Variants in DLG4 observed in about 807,000 individuals in gnomAD.
The protein encoded by DLG4 is discs large MAGUK scaffold protein 4.
DLG4 carries 7 observed loss-of-function variants against 93.8 expected under a neutral mutation model. That is an observed-to-expected ratio of 0.07 (90% confidence interval 0.04 to 0.14). The LOEUF (loss-of-function observed/expected upper bound fraction) is 0.14. DLG4 is among the 10% of genes least tolerant of loss of function. The pLI is 1.00. For synonymous variants in DLG4, 341 were observed against 387.6 expected (o/e 0.88, Z 1.41); for missense variants, 545 against 992.9 (o/e 0.55, Z 6.06).
At chr17:7,211,416 C>T (rs1159733975) in intron 1 of DLG4, among the ~76,000 whole-genome samples, 1 of 151,816 alleles carries the variant, frequency 6.6e-6, no homozygotes, top group Non-Finnish European at 1.5e-5. Context: ...TTGGCCCCCT[C>T]CTCACCAGAG....
intron 8 of DLG4, among the ~76,000 whole-genome samples, chr17:7,197,840 C>T (rs1249142575): frequency 6.6e-6 from 1 of 152,158 alleles, no homozygotes; most frequent in Non-Finnish European, 1.5e-5. Flanking sequence ...GTTTGTTTAG[C>T]CTATGCCTCT....
At chr17:7,219,910 G>T, upstream of DLG4, 2 of 752,278 alleles carry the variant, frequency 2.7e-6, no homozygotes, top group South Asian at 4.1e-5. Context: ...AGGGTTAGGG[G>T]CGCCAGGACG....
chr17:7,219,684 C>T, upstream of DLG4: 3 of 1,351,810 alleles, frequency 2.2e-6, no homozygotes, highest in South Asian at 1.5e-5. Context: ...GTGACTTAAG[C>T]CCCTTCCTCT....
At position 7,208,405 on chromosome 17, in the gene DLG4, C is replaced by A. The variant is rs993343873; in HGVS notation, c.31-166G>T. On this transcript the variant is annotated intron_variant, in intron 1 of 19. Transcript: ENST00000399506. The surrounding 1 kb of genome is among the most constrained non-coding windows in gnomAD (Gnocchi z 5.4). ...CTCTAGCCCATTGGCTCCCCTCTCT[C>A]CACTCTCCCAACAGCCCCCTCTCCC... 6.6e-6 allele frequency among the ~76,000 whole-genome samples: 1 copy of A among 151,906 alleles called. No homozygotes were observed. The highest frequency in any genetic ancestry group is 2.4e-5 in the African/African-American group (1 of 41,336).
Position 7,194,185 on chromosome 17 carries a change from AC to A in DLG4, c.1478+133del. 7.4e-7 allele frequency: 1 copy of A among 1,343,048 alleles called. No homozygotes were observed. Among genetic ancestry groups the A allele is most frequent in the Non-Finnish European group, 1.0e-6 (1 of 991,954 alleles). The allele number at this position is 1,343,048 out of a possible 1,614,324, so 83.2% of individuals were successfully genotyped here. On this transcript the variant is annotated intron_variant, in intron 12 of 19. Coordinates refer to ENST00000399506, the MANE Select transcript of DLG4 (RefSeq NM_001321075.3). The surrounding 1 kb of genome is among the most constrained non-coding windows in gnomAD (Gnocchi z 4.4). ...TCCCAAAGGCTCATGGGAGCCACGG[AC>A]CCCAGGAGGGCCCAACAGACAAACC...
In DLG4 at chr17:7,194,601, G is replaced by A; in HGVS notation, c.1302-106C>T. 3 of 1,267,522 alleles carry A rather than the reference G, an allele frequency of 2.4e-6. No homozygotes were observed. The highest frequency in any genetic ancestry group is 2.1e-6 in the Non-Finnish European group (2 of 930,516). 78.5% of individuals were successfully genotyped at this position (1,267,522 alleles called of 1,614,324 possible). A position where few individuals can be genotyped will look rare whatever the true frequency, so the allele number is the denominator to read the frequency against. ...GAGGTCTGCAGATGGCACTCCCATG[G>A]GAGCTATGGATGCCGAGGAACCCAA... On this transcript the variant is annotated intron_variant, in intron 11 of 19. Transcript: ENST00000399506. This position sits in a 1 kb window ranked among gnomAD's most constrained non-coding sequence, Gnocchi z 4.4.
chr17:7,196,790 A>G lies in DLG4; in HGVS notation c.1050T>C (p.Ser350=). Residue 350 remains serine (S), a synonymous_variant, in exon 9 of 20, where the codon AGT becomes AGC. Transcript: ENST00000399506. This position sits in a 1 kb window ranked among gnomAD's most constrained non-coding sequence, Gnocchi z 8.3. ...FILAGGPADL[S]GELRKGDQIL... The stretch of plus-strand genomic sequence containing the variant: ...TCTGGTCCCCCTTCCGCAGCTCCCC[A>G]CTGAGGTCTGCAGGGCCCCCGGCCA... The G allele has an allele frequency of 5.0e-6, 8 of 1,610,984 alleles. No individual in the cohort carries two copies. The highest frequency in any genetic ancestry group is 6.8e-6 in the Non-Finnish European group (8 of 1,178,744).
chr17:7,193,627 A>G lies in DLG4; in HGVS notation c.1591+40T>C. 6.5e-7 allele frequency: 1 copy of G among 1,529,812 alleles called. No individual in the cohort carries two copies. Among genetic ancestry groups the G allele is most frequent in the Non-Finnish European group, 8.8e-7 (1 of 1,140,942 alleles). 94.8% of individuals were successfully genotyped at this position (1,529,812 alleles called of 1,614,324 possible). A position where few individuals can be genotyped will look rare whatever the true frequency, so the allele number is the denominator to read the frequency against. On this transcript the variant is annotated intron_variant, in intron 15 of 19. Coordinates refer to ENST00000399506, the MANE Select transcript of DLG4 (RefSeq NM_001321075.3). This position sits in a 1 kb window ranked among gnomAD's most constrained non-coding sequence, Gnocchi z 6.7. ...CTTAGGCCGAGCGCAGGGTTGGGGG[A>G]GCAGCAAGTGCTGGGGCCAAGGCAG... is the stretch of plus-strand genomic sequence containing the variant.
At chr17:7,211,170 G>T (rs1294576773) in intron 1 of DLG4, among the ~76,000 whole-genome samples, 3 of 149,706 alleles carry the variant, frequency 2.0e-5, no homozygotes, top group South Asian at 2.2e-4. Context: ...ACTGCAGACT[G>T]GGGGGCTGGG....
chr17:7,209,892 A>C lies in DLG4; in HGVS notation c.31-1653T>G, dbSNP rs147756686. On this transcript the variant is annotated intron_variant, in intron 1 of 19. Transcript: ENST00000399506. ...TCCCATCTCTACTAAAAATACAAAA[A>C]TTAGCTGGGCGTGGTGGCACATGGC... is the stretch of plus-strand genomic sequence containing the variant. Among the ~76,000 whole-genome samples, 26 of 152,194 alleles carry C rather than the reference A, an allele frequency of 1.7e-4. No individual in the cohort carries two copies. In the East Asian group the frequency reaches 5.0e-3, roughly 29 times the overall value.
intron 8 of DLG4, among the ~76,000 whole-genome samples, chr17:7,200,265 T>G (rs2142865741): frequency 6.6e-6 from 1 of 152,290 alleles, no homozygotes; most frequent in East Asian, 1.9e-4. Flanking sequence ...TTGAATGGAA[T>G]GTAGATTAAT....
intron 1 of DLG4, among the ~76,000 whole-genome samples, chr17:7,210,947 G>A (rs1057071753): frequency 1.1e-4 from 16 of 152,110 alleles, no homozygotes; most frequent in African/African-American, 3.9e-4. Context: ...CATGGAGGGA[G>A]GGTGGTGTCT....
chr17:7,214,990 C>G (rs1216015128), intron 1 of DLG4, among the ~76,000 whole-genome samples: 1 of 152,206 alleles, frequency 6.6e-6, no homozygotes, highest in African/African-American at 2.4e-5. Context: ...ACCGCAAAGC[C>G]TGAGCACTCC....
Position 7,214,860 on chromosome 17 carries a change from C to T in DLG4, c.30+2258G>A, listed in dbSNP as rs1342021002. ...TGATCGCTGTAGAGTGGAGTTTGCACACAACACAGGGCCTAGCACGCAGTA... is the reference window on the plus strand; with the variant it reads ...TGATCGCTGTAGAGTGGAGTTTGCATACAACACAGGGCCTAGCACGCAGTA... On this transcript the variant is annotated intron_variant, in intron 1 of 19. Transcript: ENST00000399506. Among the ~76,000 whole-genome samples, 4 of 152,318 alleles carry T rather than the reference C, an allele frequency of 2.6e-5. No individual in the cohort carries two copies. The Middle Eastern group carries it at 0.01, about 389-fold the overall frequency.
rs374955008 is a variant in DLG4 at position 7,193,026 on chromosome 17, C to T, written c.1785G>A (p.Ala595=). 76 of 1,613,646 alleles carry T rather than the reference C, an allele frequency of 4.7e-5. No homozygotes were observed. In the South Asian group the frequency reaches 5.3e-4, roughly 11 times the overall value. ...SREKMEKDIQ[A]HKFIEAGQYN... ...ACTGGCCGGCCTCAATGAACTTGTG[C>T]GCCTGAATGTCCTTCTCCATTTTCT... is the stretch of plus-strand genomic sequence containing the variant. Residue 595 remains alanine, a synonymous_variant, in exon 17 of 20, where the codon GCG becomes GCA. Transcript: ENST00000399506. This position sits in a 1 kb window ranked among gnomAD's most constrained non-coding sequence, Gnocchi z 6.7.
At chr17:7,202,274 GGCTGGTCTCAAATCCCTA>G (rs1160230436) in intron 8 of DLG4, among the ~76,000 whole-genome samples, 1 of 151,942 alleles carries the variant, frequency 6.6e-6, no homozygotes, top group Non-Finnish European at 1.5e-5. Context: ...TTGTTGCCTA[GGCTGGTCTCAAATCCCTA>G]GCTGGTCTCA....
rs1347970227 is a variant in DLG4, at chr17:7,194,919, T to TGAGGCAGGAAAATGGCATG, written c.1302-443_1302-425dup. Among the ~76,000 whole-genome samples the TGAGGCAGGAAAATGGCATG allele has an allele frequency of 6.7e-6, 1 of 149,292 alleles. No homozygotes were observed. The highest frequency in any genetic ancestry group is 2.5e-5 in the African/African-American group (1 of 40,154). On this transcript the variant is annotated intron_variant, in intron 11 of 19. Transcript: ENST00000399506. The surrounding 1 kb of genome is among the most constrained non-coding windows in gnomAD (Gnocchi z 4.4). ...CTGTATTCCCAGCTTCTCGGGAGGC[T>TGAGGCAGGAAAATGGCATG]GAGGCAGGAAAATGGCATGAACCCA...
chr17:7,204,628 A>C (rs963901573), intron 2 of DLG4, among the ~76,000 whole-genome samples: 13 of 151,838 alleles, frequency 8.6e-5, no homozygotes, highest in Non-Finnish European at 1.3e-4. Flanking sequence ...ACCGGATGTA[A>C]CACCACAGGG....
chr17:7,208,952 G>A lies in DLG4; in HGVS notation c.31-713C>T, dbSNP rs1382324322. Among the ~76,000 whole-genome samples, 2 of 152,056 alleles carry A rather than the reference G, an allele frequency of 1.3e-5. No homozygotes were observed. The highest frequency in any genetic ancestry group is 2.9e-5 in the Non-Finnish European group (2 of 68,014). On this transcript the variant is annotated intron_variant, in intron 1 of 19. Transcript: ENST00000399506. This position sits in a 1 kb window ranked among gnomAD's most constrained non-coding sequence, Gnocchi z 5.4. ...CAAGCAGTCAACAGAGGGGCCCCGG[G>A]AGTCTGGCCCTACCCCTGCAACAGC...
Sources: allele counts gnomAD v4.1 joint callset (sites outside exome capture counted in the v4.1 genomes callset), GRCh38; gene constraint gnomAD v4.1.1; non-coding constraint Gnocchi (gnomAD v3.1); transcripts MANE v1.5; gene names NCBI Gene and HGNC (gene_info 2026-07-23, HGNC 2026-07-21).